COL1A1: variants seen among roughly 807,000 people sequenced by gnomAD.
COL1A1 encodes the protein collagen type I alpha 1 chain.
A neutral mutation model predicts 195.7 loss-of-function variants in COL1A1; 21 were observed. The ratio of observed to expected loss-of-function variants is 0.11; its 90% CI spans 0.08 to 0.15. The LOEUF (loss-of-function observed/expected upper bound fraction) is 0.15. Among genes scored for constraint, COL1A1 ranks in the 10% least tolerant of loss-of-function variants. The pLI is 1.00. For missense variants in COL1A1, 1,365 were observed against 2,051.0 expected (o/e 0.67, Z 6.46); for synonymous variants, 749 against 747.3 (o/e 1.00, Z -0.04).
intron 25 of COL1A1, 126 bp from the exon 26 acceptor site, chr17:50,193,173 G>A: frequency 2.1e-6 from 2 of 963,594 alleles, no homozygotes; most frequent in East Asian, 2.6e-5. Flanking sequence ...TTGGCCCCCG[G>A]GGAATGCCCC....
chr17:50,192,113 G>A (rs1309575526), intron 29 of COL1A1, 89 bp from the exon 30 acceptor site: 10 of 1,409,272 alleles, frequency 7.1e-6, no homozygotes, highest in Middle Eastern at 3.5e-4. Flanking sequence ...CCTGGGGTCT[G>A]GCCGTGATTA....
Position 50,184,473 on chromosome 17 carries a change from CACAAAAA to C in COL1A1, c.*1022_*1028del. On this transcript the variant is annotated 3_prime_UTR_variant, in exon 51 of 51. Coordinates refer to ENST00000225964, the MANE Select transcript of COL1A1 (RefSeq NM_000088.4). ...TTAGAAAAATTCACAAGTCCCCATCCACAAAAAAAAAAAAAAAAAAAGAAAAATATCA... is the reference window on the plus strand; with the variant it reads ...TTAGAAAAATTCACAAGTCCCCATCCAAAAAAAAAAAAAAGAAAAATATCA... 3.5e-5 allele frequency: 6 copies of C among 172,414 alleles called. No homozygotes were observed. Among genetic ancestry groups the C allele is most frequent in the Admixed American group, 7.8e-5 (1 of 12,888 alleles). 10.7% of individuals were successfully genotyped at this position (172,414 alleles called of 1,614,324 possible).
chr17:50,201,463 G>A lies in COL1A1; in HGVS notation c.51C>T (p.Ala17=), dbSNP rs1242705973. 6.2e-7 allele frequency: 1 copy of A among 1,613,090 alleles called. No individual in the cohort carries two copies. Among genetic ancestry groups the A allele is most frequent in the African/African-American group, 1.3e-5 (1 of 74,938 alleles). Residue 17 remains alanine (A), a synonymous_variant, in exon 1 of 51, where the codon GCC becomes GCT. Transcript: ENST00000225964. ...CTTCCTCTTGGCCGTGCGTCAGGAG[G>A]GCGGTGGCCGCTAAGAGGAGCAGGA... The part of the protein sequence containing the change: ...LRLLLLLAAT[A]LLTHGQEEGQ...
Position 50,186,205 on chromosome 17 carries a change from G to T in COL1A1, c.4005+112C>A, listed in dbSNP as rs1201908874. The T allele has an allele frequency of 1.3e-6, 2 of 1,540,018 alleles. No individual in the cohort carries two copies. Among genetic ancestry groups the T allele is most frequent in the Middle Eastern group, 1.7e-4 (1 of 5,936 alleles). ...AGGGACCTGAGACCCCTGCCTCCCA[G>T]CCCAGCTCTGTCCATCACCCTTAGC... On this transcript the variant is annotated intron_variant, in intron 49 of 50. Coordinates refer to ENST00000225964, the MANE Select transcript of COL1A1 (RefSeq NM_000088.4). The surrounding 1 kb of genome is among the most constrained non-coding windows in gnomAD (Gnocchi z 5.3).
intron 27 of COL1A1, 26 bp from the exon 28 acceptor site, chr17:50,192,719 C>CG (rs766960455): frequency 6.2e-7 from 1 of 1,614,002 alleles, no homozygotes; most frequent in South Asian, 1.1e-5. Context: ...ACTACAGTCA[C>CG]GGGGAGGCCG....
Position 50,185,244 on chromosome 17 carries a change from T to TTA in COL1A1, c.*256_*257dup, listed in dbSNP as rs1906377445. 1 of 428,830 alleles carries TTA rather than the reference T, an allele frequency of 2.3e-6. No individual in the cohort carries two copies. The highest frequency in any genetic ancestry group is 2.9e-5 in the South Asian group (1 of 34,514). The allele number at this position is 428,830 out of a possible 1,614,324, so 26.6% of individuals were successfully genotyped here. A position where few individuals can be genotyped will look rare whatever the true frequency, so the allele number is the denominator to read the frequency against. On this transcript the variant is annotated 3_prime_UTR_variant, in exon 51 of 51. Coordinates refer to ENST00000225964, the MANE Select transcript of COL1A1 (RefSeq NM_000088.4). ...GGACCAAGCTTCCTTTTTTAAAAAGTTATTTATTTATTCTTTTTTTTTTTT... is the reference window on the plus strand; with the variant it reads ...GGACCAAGCTTCCTTTTTTAAAAAGTTATATTTATTTATTCTTTTTTTTTTTT...
At chr17:50,199,517 C>A (rs1220713127) in intron 3 of COL1A1, 39 bp downstream of exon 3, 1 of 1,614,058 alleles carries the variant, frequency 6.2e-7, no homozygotes, top group African/African-American at 1.3e-5. Flanking sequence ...TGAGGAGTCA[C>A]GGGCCGCGCA....
Position 50,185,580 on chromosome 17 carries a change from G to C in COL1A1, c.4317C>G (p.Ile1439Met), listed in dbSNP as rs778266654. The change falls in exon 51 of 51, where the codon ATC becomes ATG. Residue 1439 changes from isoleucine (I) to methionine (M), a missense_variant. Ile to Met is a conservative substitution (Grantham distance 10). Around this residue, in one of 5 missense-constraint regions of COL1A1, gnomAD observed 273 missense variants for 338.6 expected, o/e 0.81. Transcript: ENST00000225964. ...CAACGTCCAAGGGGGCCACATCGAT[G>C]ATGGGCAGGCGGGAGGTCTTGGTGG... ...YKTTKTSRLP[I>M]IDVAPLDVGA... The C allele has an allele frequency of 1.2e-6, 2 of 1,613,860 alleles. No individual in the cohort carries two copies. Among genetic ancestry groups the C allele is most frequent in the African/African-American group, 1.3e-5 (1 of 74,842 alleles).
In COL1A1 at chr17:50,185,444, T is replaced by C; in HGVS notation, c.*58A>G. The stretch of plus-strand genomic sequence containing the variant: ...GTTCAGTTTGGGTTGCTTGTCTGTT[T>C]CCGGGTTGGGGGGAAAGTTGGTTGG... On this transcript the variant is annotated 3_prime_UTR_variant, in exon 51 of 51. Transcript: ENST00000225964. 1 of 1,607,166 alleles carries C rather than the reference T, an allele frequency of 6.2e-7. No homozygotes were observed. The highest frequency in any genetic ancestry group is 8.5e-7 in the Non-Finnish European group (1 of 1,175,768).
At chr17:50,192,071 G>A (rs774095910) in intron 29 of COL1A1, 47 bp from the exon 30 acceptor site, 28 of 1,592,610 alleles carry the variant, frequency 1.8e-5, no homozygotes, top group Non-Finnish European at 4.3e-6. Flanking sequence ...AACCCACCTG[G>A]GGCCACTCTG....
chr17:50,199,433 G>A lies in COL1A1; in HGVS notation c.354C>T (p.Gly118=). Residue 118 remains glycine (G), a synonymous_variant, in exon 4 of 51, where the codon GGC becomes GGT. Coordinates refer to ENST00000225964, the MANE Select transcript of COL1A1 (RefSeq NM_000088.4). ...CAACGCTTACCCTTGGGCCTCGGGG[G>A]CCAGTGTCTCCCTTGGGTCCCTGTG... ...TGVEGPKGDT[G]PRGPRGPAGP... The A allele has an allele frequency of 3.1e-6, 5 of 1,614,152 alleles. No homozygotes were observed. The highest frequency in any genetic ancestry group is 4.2e-6 in the Non-Finnish European group (5 of 1,179,990).
Position 50,193,966 on chromosome 17 carries a change from A to G in COL1A1, c.1744T>C (p.Phe582Leu), listed in dbSNP as rs1907328815. Residue 582 changes from phenylalanine (F) to leucine (L), a missense_variant, in exon 25 of 51, where the codon TTC becomes CTC. By Grantham distance (22) the Phe-to-Leu change is conservative. Transcript: ENST00000225964. The stretch of plus-strand genomic sequence containing the variant: ...ACAGCAGCACCTTTAGGTCCAGGGA[A>G]TCCCATCACACCAGCCTGACCACGG... ...GARGQAGVMG[F>L]PGPKGAAGEP... 6.2e-7 allele frequency: 1 copy of G among 1,614,082 alleles called. No individual in the cohort carries two copies. The highest frequency in any genetic ancestry group is 8.5e-7 in the Non-Finnish European group (1 of 1,180,004).
In COL1A1 at chr17:50,194,691, G is replaced by C; in HGVS notation, c.1461+30C>G. ...AGGCACCAGCCAGGCAATGAGGGTG[G>C]AGCGGGAGGGGGCGGGCAGGGACAC... On this transcript the variant is annotated intron_variant, in intron 21 of 50. Coordinates refer to ENST00000225964, the MANE Select transcript of COL1A1 (RefSeq NM_000088.4). This position sits in a 1 kb window ranked among gnomAD's most constrained non-coding sequence, Gnocchi z 6.8. 6.4e-7 allele frequency: 1 copy of C among 1,558,790 alleles called. No homozygotes were observed. Among genetic ancestry groups the C allele is most frequent in the South Asian group, 1.2e-5 (1 of 85,206 alleles).
chr17:50,187,420 C>G (rs553544934), intron 46 of COL1A1, 64 bp downstream of exon 46: 263 of 1,575,836 alleles, frequency 1.7e-4, no homozygotes, highest in Non-Finnish European at 2.1e-4. Context: ...GGGTCCCTGG[C>G]AAGGGTCCCC....
rs754553279 is a variant in COL1A1 at position 50,192,999 on chromosome 17, C to T, written c.1816G>A (p.Ala606Thr). The T allele has an allele frequency of 3.7e-6, 6 of 1,613,484 alleles. No homozygotes were observed. The highest frequency in any genetic ancestry group is 2.2e-5 in the East Asian group (1 of 44,860). ...GATGGAAAGGAGATACTTACGACAGCGCCAGGGGGTCCGGGAACACCTCGC... is the reference window on the plus strand; with the variant it reads ...GATGGAAAGGAGATACTTACGACAGTGCCAGGGGGTCCGGGAACACCTCGC... ...GERGVPGPPG[A>T]VGPAGKDGEA... Residue 606 changes from alanine to threonine, a missense_variant, in exon 26 of 51, where the codon GCT becomes ACT. Ala to Thr is a moderately conservative substitution (Grantham distance 58, BLOSUM62 0). Transcript: ENST00000225964.
Position 50,198,245 on chromosome 17 carries a change from T to C in COL1A1, c.544-40A>G, listed in dbSNP as rs143997627. The C allele has an allele frequency of 2.8e-3, 4,510 of 1,611,690 alleles. 8 individuals carry two copies. Among genetic ancestry groups the C allele is most frequent in the Non-Finnish European group, 3.3e-3 (3,873 of 1,177,900 alleles). On this transcript the variant is annotated intron_variant, in intron 6 of 50. Transcript: ENST00000225964. ...GAAAGGGGGGTCATGGTGATCCCTC[T>C]GTAGGAAAGCATGTGGATGTAGTCA...
chr17:50,190,940 A>C lies in COL1A1; in HGVS notation c.2236-16T>G, dbSNP rs780694801. ...CAGCATCACCCTAAAGACATGGATA[A>C]GCTTGAGATTTCCAGTGTGGGGCAA... is the stretch of plus-strand genomic sequence containing the variant. On this transcript the variant is annotated splice_polypyrimidine_tract_variant and intron_variant, in intron 32 of 50. Coordinates refer to ENST00000225964, the MANE Select transcript of COL1A1 (RefSeq NM_000088.4). The surrounding 1 kb of genome is among the most constrained non-coding windows in gnomAD (Gnocchi z 4.7). The C allele has an allele frequency of 2.5e-6, 4 of 1,611,364 alleles. No individual in the cohort carries two copies. Among genetic ancestry groups the C allele is most frequent in the Admixed American group, 3.3e-5 (2 of 59,982 alleles).
chr17:50,184,736 A>T lies in COL1A1; in HGVS notation c.*766T>A. 4.3e-6 allele frequency: 1 copy of T among 231,908 alleles called. No individual in the cohort carries two copies. The allele number at this position is 231,908 out of a possible 1,614,324, so 14.4% of individuals were successfully genotyped here. On this transcript the variant is annotated 3_prime_UTR_variant, in exon 51 of 51. Coordinates refer to ENST00000225964, the MANE Select transcript of COL1A1 (RefSeq NM_000088.4). ...TAGTCTTTCAGCAACACAGTTACAC[A>T]AGGAACAGAACAGTCTCTCCCGCCC...
chr17:50,190,338 C>T lies in COL1A1; in HGVS notation c.2440G>A (p.Ala814Thr). The change falls in exon 35 of 51, where the codon GCT (alanine) becomes ACT (threonine). Residue 814 changes from alanine (A) to threonine (T), a missense_variant. Around this residue, in one of 5 missense-constraint regions of COL1A1, gnomAD observed 671 missense variants for 1,099.9 expected, o/e 0.61. Coordinates refer to ENST00000225964, the MANE Select transcript of COL1A1 (RefSeq NM_000088.4). The surrounding 1 kb of genome is among the most constrained non-coding windows in gnomAD (Gnocchi z 4.7). The stretch of plus-strand genomic sequence containing the variant: ...GTCTTGGTACTCACAGGGGGGCCAG[C>T]AAAGCCAGCAGGGCCGGGGGGACCA... ...EPGPPGPAGF[A>T]GPPGADGQPG... is the part of the protein sequence containing the mutation. 1 of 1,607,672 alleles carries T rather than the reference C, an allele frequency of 6.2e-7. No homozygotes were observed. The highest frequency in any genetic ancestry group is 8.5e-7 in the Non-Finnish European group (1 of 1,174,536).
Sources: gnomAD v4.1 joint callset for allele counts on GRCh38, gnomAD v4.1.1 for gene constraint, gnomAD v4.1.1 regional missense constraint, Gnocchi (gnomAD v3.1) non-coding constraint, MANE v1.5 for transcripts, NCBI Gene and HGNC (gene_info 2026-07-23, HGNC 2026-07-21) for gene names.